The following POSTN variants were observed in gnomAD, a reference collection of about 807,000 sequenced individuals.
The protein encoded by POSTN is periostin, also known as osteoblast specific factor 2 (fasciclin I-like).
In POSTN, 71 loss-of-function variants were observed where a neutral mutation model predicts 104.5. The ratio of observed to expected loss-of-function variants is 0.68; its 90% CI spans 0.56 to 0.83. POSTN has a LOEUF of 0.83. Among genes scored for constraint, POSTN ranks in the 40% least tolerant of loss-of-function variants. The pLI, the probability that POSTN is intolerant of heterozygous loss-of-function variation, is 0.00. For synonymous variants in POSTN, 355 were observed against 340.7 expected, an observed-to-expected ratio of 1.04 and a Z score of -0.46; for missense variants, 949 against 1,006.8, an observed-to-expected ratio of 0.94 and a Z score of 0.78.
At chr13:37,575,490 C>T (rs1950380694) in intron 16 of POSTN, among the ~76,000 whole-genome samples, 1 of 151,834 alleles carries the variant, frequency 6.6e-6, no homozygotes, top group South Asian at 2.1e-4. Flanking sequence ...AAATTAAATA[C>T]CAGTCAACTA....
intron 10 of POSTN, among the ~76,000 whole-genome samples, chr13:37,581,884 T>C (rs907511513): frequency 6.6e-6 from 1 of 152,192 alleles, no homozygotes; most frequent in African/African-American, 2.4e-5. Flanking sequence ...TAATGAAATG[T>C]TTTGAAATGA....
At chr13:37,594,326 G>T (rs1207461458) in intron 2 of POSTN, among the ~76,000 whole-genome samples, 5 of 152,030 alleles carry the variant, frequency 3.3e-5, no homozygotes, top group Non-Finnish European at 7.4e-5. Context: ...TATGACAAGG[G>T]TCAGTCATAA....
chr13:37,566,866 C>T (rs1467209219), intron 21 of POSTN, among the ~76,000 whole-genome samples: 1 of 152,064 alleles, frequency 6.6e-6, no homozygotes, highest in African/African-American at 2.4e-5. Context: ...CATCAGTACT[C>T]AAAGTACCAG....
chr13:37,571,355 C>T lies in POSTN; in HGVS notation c.2179+14G>A, dbSNP rs764674791. ...AGCGAAGGTAGTCGGCCCCAGGTAA[C>T]ATAAGGAACGCACCTCCATGGATCA... On this transcript the variant is annotated intron_variant, in intron 18 of 22. Transcript: ENST00000379747. The T allele has an allele frequency of 2.6e-6, 4 of 1,560,028 alleles. No individual in the cohort carries two copies. The highest frequency in any genetic ancestry group is 3.5e-6 in the Non-Finnish European group (4 of 1,136,758).
At chr13:37,582,634 C>T (rs1950627828) in intron 9 of POSTN, 120 bp from the exon 10 acceptor site, 5 of 936,408 alleles carry the variant, frequency 5.3e-6, no homozygotes, top group Non-Finnish European at 7.7e-6. Flanking sequence ...ATGGATTTTG[C>T]ACTCATATAA....
chr13:37,572,441 A>G (rs1408191440), intron 17 of POSTN, among the ~76,000 whole-genome samples: 1 of 151,672 alleles, frequency 6.6e-6, no homozygotes, highest in African/African-American at 2.4e-5. Flanking sequence ...GATATTGAGC[A>G]CAAAACATAA....
chr13:37,586,518 G>A (rs1361381112), intron 6 of POSTN, among the ~76,000 whole-genome samples: 1 of 152,132 alleles, frequency 6.6e-6, no homozygotes, highest in Non-Finnish European at 1.5e-5. Flanking sequence ...ATATCCAGCA[G>A]TACATATAAT....
intron 4 of POSTN, among the ~76,000 whole-genome samples, chr13:37,588,758 A>T (rs543651453): frequency 6.6e-6 from 1 of 152,176 alleles, no homozygotes; most frequent in African/African-American, 2.4e-5. Flanking sequence ...CTCAGATAAT[A>T]CTAAGAAATT....
rs748964851 is a variant in POSTN at position 37,586,863 on chromosome 13, A to G, written c.672T>C (p.His224=). 93 of 1,612,832 alleles carry G rather than the reference A, an allele frequency of 5.8e-5. No homozygotes were observed. The highest frequency in any genetic ancestry group is 7.5e-5 in the Non-Finnish European group (88 of 1,179,012). ...TTTGTGTAAGCACACGGTCAATGAC[A>G]TGGACAACACCATTTGTTGCAATCT... is the stretch of plus-strand genomic sequence containing the variant. The part of the protein sequence containing the change: ...GNQIATNGVV[H]VIDRVLTQIG... Residue 224 remains histidine, a synonymous_variant, in exon 6 of 23, where the codon CAT becomes CAC. Transcript: ENST00000379747.
chr13:37,581,148 T>G (rs1950577149), intron 10 of POSTN, among the ~76,000 whole-genome samples: 1 of 152,190 alleles, frequency 6.6e-6, no homozygotes, highest in Non-Finnish European at 1.5e-5. Flanking sequence ...CATTGACATA[T>G]TCATAGCTTT....
At position 37,590,426 on chromosome 13, in the gene POSTN, C is replaced by G; in HGVS notation, c.387G>C (p.Lys129Asn). Residue 129 changes from lysine to asparagine, a missense_variant, in exon 4 of 23, where the codon AAG becomes AAC. Lys to Asn is a moderately conservative substitution (Grantham distance 94). Coordinates refer to ENST00000379747, the MANE Select transcript of POSTN (RefSeq NM_006475.3). ...ASKLREEIEG[K>N]GSFTYFAPSN... ...TCGGTGCAAAGTAAGTGAAGGATCC[C>G]TTTCCCTCGATCTCCTCCCTCAGTT... is the stretch of plus-strand genomic sequence containing the variant. 6.2e-7 allele frequency: 1 copy of G among 1,611,202 alleles called. No homozygotes were observed.
chr13:37,569,766 A>T lies in POSTN; in HGVS notation c.2325T>A (p.Thr775=). 6.2e-7 allele frequency: 1 copy of T among 1,602,354 alleles called. No homozygotes were observed. Among genetic ancestry groups the T allele is most frequent in the Non-Finnish European group, 8.5e-7 (1 of 1,170,230 alleles). ...ISTGGGETEE[T]LKKLLQEEVT... Reference sequence around the variant, plus strand: ...GACCTTCTTGTAACAATTTCTTCAGAGTTTCTTCTGTTTCTCCACCTCCAG... The same window carrying T: ...GACCTTCTTGTAACAATTTCTTCAGTGTTTCTTCTGTTTCTCCACCTCCAG... Residue 775 remains threonine (T), a synonymous_variant, in exon 20 of 23, where the codon ACT becomes ACA. Transcript: ENST00000379747.
At chr13:37,588,269 TAAGA>T (rs1470638447) in intron 4 of POSTN, among the ~76,000 whole-genome samples, 3 of 152,098 alleles carry the variant, frequency 2.0e-5, no homozygotes, top group Middle Eastern at 3.2e-3. Flanking sequence ...AATAAAATGA[TAAGA>T]AAGGGAGATA....
In POSTN at chr13:37,586,798, T is replaced by C. The variant is rs1318936254; in HGVS notation, c.737A>G (p.Asp246Gly). The change falls in exon 6 of 23, where the codon GAC becomes GGC. Residue 246 changes from aspartate to glycine, a missense_variant. Physicochemically the swap from Asp to Gly is moderately conservative, Grantham distance 94. Coordinates refer to ENST00000379747, the MANE Select transcript of POSTN (RefSeq NM_006475.3). Reference sequence around the variant, plus strand: ...TGGACTTACTCTAAAAGATGAAAGGTCATCTTCTGCTTCAATGAAGTCTTG... The same window carrying C: ...TGGACTTACTCTAAAAGATGAAAGGCCATCTTCTGCTTCAATGAAGTCTTG... The part of the protein sequence containing the change: ...SIQDFIEAED[D>G]LSSFRAAAIT... 2 of 1,612,800 alleles carry C rather than the reference T, an allele frequency of 1.2e-6. No homozygotes were observed. Among genetic ancestry groups the C allele is most frequent in the Admixed American group, 1.7e-5 (1 of 59,864 alleles).
At chr13:37,570,005 G>A (rs566017052) in intron 19 of POSTN, among the ~76,000 whole-genome samples, 184 bp from the exon 20 acceptor site, 4 of 151,992 alleles carry the variant, frequency 2.6e-5, no homozygotes, top group East Asian at 1.9e-4. Flanking sequence ...ACTGTGTTCC[G>A]ATAAAACTTT....
chr13:37,584,133 A>T, intron 8 of POSTN, 30 bp from the exon 9 acceptor site: 1 of 1,612,230 alleles, frequency 6.2e-7, no homozygotes, highest in South Asian at 1.1e-5. Flanking sequence ...CATCACAACA[A>T]TGTCATCATT....
chr13:37,597,315 G>A, intron 1 of POSTN, 33 bp from the exon 2 acceptor site: 11 of 1,409,786 alleles, frequency 7.8e-6, no homozygotes, highest in Non-Finnish European at 1.1e-5. Context: ...AAAAGTTAAT[G>A]TCCTAATAAT....
At chr13:37,571,479 A>T in intron 17 of POSTN, 21 bp from the exon 18 acceptor site, 1 of 1,521,540 alleles carries the variant, frequency 6.6e-7, no homozygotes, top group Middle Eastern at 1.7e-4. Context: ...ATTTTAGGAG[A>T]CAAATTATCA....
intron 2 of POSTN, among the ~76,000 whole-genome samples, chr13:37,592,552 C>A (rs1260611570): frequency 6.6e-6 from 1 of 152,166 alleles, no homozygotes; most frequent in Non-Finnish European, 1.5e-5. Flanking sequence ...CCCACCTGGG[C>A]CTCCCAAAGT....
Sources: allele counts gnomAD v4.1 joint callset (sites outside exome capture counted in the v4.1 genomes callset), GRCh38; gene constraint gnomAD v4.1.1; transcripts MANE v1.5; gene names NCBI Gene and HGNC (gene_info 2026-07-23, HGNC 2026-07-21).